TFRC: variants seen among roughly 807,000 people sequenced by gnomAD.
The protein encoded by TFRC is transferrin receptor protein 1.
A neutral mutation model predicts 85.8 loss-of-function variants in TFRC; 35 were observed. That is an observed-to-expected ratio of 0.41 (90% CI 0.31 to 0.54). TFRC has a LOEUF of 0.54. TFRC is among the 20% of genes least tolerant of loss of function. The pLI is 0.31. For synonymous variants in TFRC, 362 were observed against 328.6 expected (o/e 1.10, Z -1.10); for missense variants, 828 against 921.5 (o/e 0.90, Z 1.31).
chr3:196,067,425 TATC>T lies in TFRC; in HGVS notation c.1040+90_1040+92del, dbSNP rs889853138. Reference sequence around the variant, plus strand: ...CTCCAAATTCCCAAATGTGGAAAATTATCATCATGTTTAACATTTTAATCAACA... The same window carrying T: ...CTCCAAATTCCCAAATGTGGAAAATTATCATGTTTAACATTTTAATCAACA... On this transcript the variant is annotated intron_variant, in intron 9 of 18. Transcript: ENST00000360110. The T allele has an allele frequency of 1.8e-4, 248 of 1,366,250 alleles. 2 individuals carry two copies. The highest frequency in any genetic ancestry group is 2.3e-4 in the Non-Finnish European group (232 of 1,005,146). The allele number at this position is 1,366,250 out of a possible 1,614,324, so 84.6% of individuals were successfully genotyped here.
In TFRC at chr3:196,068,107, A is replaced by T; in HGVS notation, c.825T>A (p.Asn275Lys). 3 of 1,612,540 alleles carry T rather than the reference A, an allele frequency of 1.9e-6. No homozygotes were observed. In the South Asian group the frequency reaches 3.3e-5, roughly 18 times the overall value. Reference sequence around the variant, plus strand: ...CCATGTATATCAACACACCAATTGCATTTAAGCTTTCAGCATTTGCAACCT... The same window carrying T: ...CCATGTATATCAACACACCAATTGCTTTTAAGCTTTCAGCATTTGCAACCT... ...AEKVANAESL[N>K]AIGVLIYMDQ... The change falls in exon 8 of 19, where the codon AAT becomes AAA. Residue 275 changes from asparagine to lysine, a missense_variant. By Grantham distance (94) the Asn-to-Lys change is moderately conservative. Transcript: ENST00000360110.
At chr3:196,062,818 C>G (rs1282886043) in intron 12 of TFRC, 36 bp downstream of exon 12, 1 of 1,605,338 alleles carries the variant, frequency 6.2e-7, no homozygotes, top group African/African-American at 1.3e-5. Context: ...AGCCCACAAG[C>G]TCGTGTCCAA....
chr3:196,052,291 A>ATT, intron 18 of TFRC, 107 bp from the exon 19 acceptor site: 2 of 883,426 alleles, frequency 2.3e-6, no homozygotes, highest in Non-Finnish European at 3.2e-6. Flanking sequence ...TGCCGATCAG[A>ATT]CTTTTTTTTT....
intron 9 of TFRC, among the ~76,000 whole-genome samples, chr3:196,066,481 A>G (rs985928843): frequency 2.0e-5 from 3 of 152,132 alleles, no homozygotes; most frequent in Non-Finnish European, 4.4e-5. Context: ...TGCTTCCCCT[A>G]TCTAATTCCT....
At chr3:196,069,650 C>T (rs1046611595) in intron 6 of TFRC, 82 bp from the exon 7 acceptor site, 28 of 869,184 alleles carry the variant, frequency 3.2e-5, no homozygotes, top group Non-Finnish European at 4.5e-5. Flanking sequence ...TGTTATAGAT[C>T]AAACCTAAGA....
At chr3:196,077,536 G>A (rs1718808467) in intron 1 of TFRC, among the ~76,000 whole-genome samples, 1 of 151,788 alleles carries the variant, frequency 6.6e-6, no homozygotes, top group South Asian at 2.1e-4. Flanking sequence ...TGGATCACCT[G>A]AGGTCAGGAG....
Position 196,049,583 on chromosome 3 carries a change from G to A in TFRC, c.*2359C>T, listed in dbSNP as rs41299382. 2,973 of 222,962 alleles carry A rather than the reference G, an allele frequency of 0.013. 34 individuals carry two copies. Among genetic ancestry groups the A allele is most frequent in the Non-Finnish European group, 0.018 (1,970 of 111,602 alleles). 13.8% of individuals were successfully genotyped at this position (222,962 alleles called of 1,614,324 possible). On this transcript the variant is annotated 3_prime_UTR_variant, in exon 19 of 19. Transcript: ENST00000360110. ...TCAGGAATATTGAGCCTGTTAGCACGTACTGGCTTGATAGGAAGTAACTCA... is the reference window on the plus strand; with the variant it reads ...TCAGGAATATTGAGCCTGTTAGCACATACTGGCTTGATAGGAAGTAACTCA...
chr3:196,065,224 T>G (rs1449266597), intron 10 of TFRC, among the ~76,000 whole-genome samples: 3 of 150,308 alleles, frequency 2.0e-5, no homozygotes, highest in African/African-American at 4.9e-5. Context: ...ATCACACCAC[T>G]GCACTCCAGC....
chr3:196,077,081 A>T lies in TFRC; in HGVS notation c.19T>A (p.Ser7Thr), dbSNP rs755597603. The T allele has an allele frequency of 1.2e-6, 2 of 1,613,864 alleles. No homozygotes were observed. Among genetic ancestry groups the T allele is most frequent in the South Asian group, 2.2e-5 (2 of 91,056 alleles). The stretch of plus-strand genomic sequence containing the variant: ...TATCTTACCAAGTTAGAGAATGCTG[A>T]TCTAGCTTGATCCATCATTCTGAAC... Reference protein sequence around the residue: MMDQARSAFSNLFGGEP... With the variant: MMDQARTAFSNLFGGEP... The change falls in exon 2 of 19, where the codon TCA becomes ACA. Residue 7 changes from serine (S) to threonine (T), a missense_variant. By Grantham distance (58) the Ser-to-Thr change is moderately conservative. Transcript: ENST00000360110.
chr3:196,073,212 C>G (rs2108655021), intron 4 of TFRC, among the ~76,000 whole-genome samples: 1 of 151,118 alleles, frequency 6.6e-6, no homozygotes, highest in South Asian at 2.1e-4. Context: ...ACGTAAGACT[C>G]CATCTCAAAA....
chr3:196,058,423 G>T, intron 15 of TFRC, 58 bp from the exon 16 acceptor site: 1 of 1,535,426 alleles, frequency 6.5e-7, no homozygotes. Context: ...CTGTTCTATC[G>T]TGCTAGTCCC....
intron 18 of TFRC, among the ~76,000 whole-genome samples, chr3:196,052,980 G>A (rs1474467792): frequency 6.6e-6 from 1 of 151,998 alleles, no homozygotes; most frequent in Non-Finnish European, 1.5e-5. Context: ...CGGGCGTGGT[G>A]TTGGGCACCT....
chr3:196,061,373 G>A (rs1031975344), intron 13 of TFRC, among the ~76,000 whole-genome samples: 3 of 152,144 alleles, frequency 2.0e-5, no homozygotes, highest in East Asian at 1.9e-4. Flanking sequence ...AGAATTACCT[G>A]TAGTGCTTGT....
At chr3:196,062,831 T>C (rs1315661125) in intron 12 of TFRC, 23 bp downstream of exon 12, 24 of 1,611,040 alleles carry the variant, frequency 1.5e-5, no homozygotes, top group Non-Finnish European at 1.8e-5. Flanking sequence ...GTGTCCAATA[T>C]GGGAAGGGAT....
intron 1 of TFRC, among the ~76,000 whole-genome samples, chr3:196,080,668 T>C (rs1719094039): frequency 6.6e-6 from 1 of 152,272 alleles, no homozygotes; most frequent in Non-Finnish European, 1.5e-5. Flanking sequence ...AACTGCTGTC[T>C]ATCTAACAAT....
chr3:196,069,355 C>T (rs1204198362), intron 7 of TFRC, 100 bp downstream of exon 7: 1 of 733,230 alleles, frequency 1.4e-6, no homozygotes, highest in East Asian at 2.8e-5. Context: ...TTTAAGATTG[C>T]TGATTTTCAG....
chr3:196,072,223 C>A (rs1377626667), intron 4 of TFRC, 71 bp from the exon 5 acceptor site: 4 of 1,567,786 alleles, frequency 2.6e-6, no homozygotes, highest in Middle Eastern at 1.8e-4. Context: ...AAGGATTAAA[C>A]AAATTGTTTT....
chr3:196,056,378 A>G (rs539453324), intron 16 of TFRC, among the ~76,000 whole-genome samples: 1 of 152,254 alleles, frequency 6.6e-6, no homozygotes, highest in South Asian at 2.1e-4. Context: ...CCACTGCTCA[A>G]TCACTCAAGA....
intron 1 of TFRC, among the ~76,000 whole-genome samples, chr3:196,079,281 CCT>C (rs2108660934): frequency 6.6e-6 from 1 of 152,328 alleles, no homozygotes; most frequent in East Asian, 1.9e-4. Context: ...AACCATCATT[CCT>C]CAAGTTTTCT....
Sources: allele counts gnomAD v4.1 joint callset (sites outside exome capture counted in the v4.1 genomes callset), GRCh38; gene constraint gnomAD v4.1.1; transcripts MANE v1.5; gene names NCBI Gene and HGNC (gene_info 2026-07-23, HGNC 2026-07-21).